The following CDH4 variants were observed in gnomAD, a reference collection of about 807,000 sequenced individuals.
The protein encoded by CDH4 is cadherin 4, also known as cadherin-4.
Under a neutral mutation model 86.0 loss-of-function variants are expected in CDH4, and 33 were observed. The observed-to-expected ratio is 0.38, with a 90% CI of 0.29 to 0.51. The LOEUF is 0.51. Ranked by LOEUF, CDH4 falls within the 20% of genes least tolerant of loss-of-function variation. The probability of loss-of-function intolerance (pLI) is 0.86; values close to 1 mark genes in which losing one functional copy is unlikely to be tolerated. For missense variants in CDH4, 1,114 were observed against 1,307.4 expected (o/e 0.85, Z 2.28); for synonymous variants, 555 against 549.4 (o/e 1.01, Z -0.14).
At chr20:61,929,971 G>A in intron 13 of CDH4, 129 bp downstream of exon 13, 1 of 705,428 alleles carries the variant, frequency 1.4e-6, no homozygotes, top group African/African-American at 1.8e-5. Context: ...TCTGTCAGGA[G>A]CCTTTCAGAA....
At chr20:61,279,909 C>G (rs562142439) in intron 2 of CDH4, among the ~76,000 whole-genome samples, 122 of 152,240 alleles carry the variant, frequency 8.0e-4, no homozygotes, top group African/African-American at 2.7e-3. Flanking sequence ...TACGGATACT[C>G]GGAGGGAAAG....
At position 61,936,741 on chromosome 20, in the gene CDH4, T is replaced by C; in HGVS notation, c.2549T>C (p.Leu850Pro). 6.3e-7 allele frequency: 1 copy of C among 1,585,376 alleles called. No homozygotes were observed. Among genetic ancestry groups the C allele is most frequent in the Non-Finnish European group, 8.6e-7 (1 of 1,166,880 alleles). ...CTCTGTGTCTGTGACCCCCAGGGAC[T>C]CCGCGCTGCTGACAACGACCCCACG... ...GDIGDFINEG[L>P]RAADNDPTAP... Residue 850 changes from leucine (L) to proline (P), a missense_variant, in exon 16 of 16, where the codon CTC (leucine) becomes CCC (proline). Leu to Pro is a moderately conservative substitution (Grantham distance 98). Coordinates refer to ENST00000614565, the MANE Select transcript of CDH4 (RefSeq NM_001794.5).
At chr20:61,743,982 A>AAG (rs2088378348) in intron 3 of CDH4, among the ~76,000 whole-genome samples, 193 bp downstream of exon 3, 1 of 152,168 alleles carries the variant, frequency 6.6e-6, no homozygotes, top group Non-Finnish European at 1.5e-5. Flanking sequence ...TCATTGCGGG[A>AAG]AGGCCCCCTG....
At chr20:61,402,709 C>G (rs1038194304) in intron 2 of CDH4, among the ~76,000 whole-genome samples, 1 of 152,180 alleles carries the variant, frequency 6.6e-6, no homozygotes, top group Non-Finnish European at 1.5e-5. Flanking sequence ...GTTTTTAAAA[C>G]ATATTTTCAA....
intron 2 of CDH4, among the ~76,000 whole-genome samples, chr20:61,569,677 C>T (rs2086327569): frequency 6.6e-6 from 1 of 152,054 alleles, no homozygotes; most frequent in Non-Finnish European, 1.5e-5. Flanking sequence ...GCCAACTGCC[C>T]CCCAAATTTT....
chr20:61,852,698 T>G (rs1756448023), intron 5 of CDH4, 56 bp from the exon 6 acceptor site: 14 of 1,571,984 alleles, frequency 8.9e-6, no homozygotes, highest in Non-Finnish European at 1.1e-5. Context: ...CAGGCCGCTC[T>G]CAGCTGAGTG....
chr20:61,494,730 G>A (rs536869538), intron 2 of CDH4, among the ~76,000 whole-genome samples: 3 of 152,346 alleles, frequency 2.0e-5, no homozygotes, highest in African/African-American at 7.2e-5. Context: ...GGATAACAAA[G>A]CATTGGAGAG....
At chr20:61,299,963 G>A (rs1020223755) in intron 2 of CDH4, among the ~76,000 whole-genome samples, 17 of 152,164 alleles carry the variant, frequency 1.1e-4, no homozygotes, top group African/African-American at 4.1e-4. Context: ...GATGTGTAGA[G>A]GGGGGACCAG....
intron 2 of CDH4, among the ~76,000 whole-genome samples, chr20:61,301,075 C>T (rs188865047): frequency 1.1e-3 from 169 of 152,362 alleles, no homozygotes; most frequent in Non-Finnish European, 1.9e-3. Flanking sequence ...CCCGGGGCTG[C>T]GCCCAACTCC....
intron 3 of CDH4, among the ~76,000 whole-genome samples, chr20:61,753,742 G>A (rs773030951): frequency 1.8e-4 from 28 of 152,216 alleles, no homozygotes; most frequent in African/African-American, 5.5e-4. Flanking sequence ...TCTAGCACAC[G>A]TCAGCGTTTA....
chr20:61,649,210 A>C (rs2087095960), intron 2 of CDH4, among the ~76,000 whole-genome samples: 1 of 152,060 alleles, frequency 6.6e-6, no homozygotes, highest in African/African-American at 2.4e-5. Flanking sequence ...CAACTACATC[A>C]AGGGCGAAGA....
At chr20:61,873,025 G>A (rs1983873053) in intron 6 of CDH4, among the ~76,000 whole-genome samples, 1 of 152,206 alleles carries the variant, frequency 6.6e-6, no homozygotes, top group East Asian at 1.9e-4. Flanking sequence ...CAGAAAGTGG[G>A]GAATGTGCCA....
At chr20:61,862,900 C>T (rs8116147) in intron 6 of CDH4, among the ~76,000 whole-genome samples, 5,844 of 151,952 alleles carry the variant, frequency 0.038, 409 homozygotes, top group African/African-American at 0.13. Flanking sequence ...TATACAGCAC[C>T]GAGTTTTTGC....
At chr20:61,652,930 A>ATTTTTTT (rs1200927520) in intron 2 of CDH4, among the ~76,000 whole-genome samples, 26 of 108,082 alleles carry the variant, frequency 2.4e-4, no homozygotes, top group African/African-American at 6.8e-4. Context: ...TTATTTATTT[A>ATTTTTTT]TTTATTTATT....
chr20:61,908,846 C>T (rs1360411158), intron 8 of CDH4, among the ~76,000 whole-genome samples: 3 of 152,210 alleles, frequency 2.0e-5, no homozygotes, highest in South Asian at 2.1e-4. Context: ...CCCGTCCCAA[C>T]GGGCCCAGCC....
intron 2 of CDH4, among the ~76,000 whole-genome samples, chr20:61,459,437 G>C (rs2085429424): frequency 6.6e-6 from 1 of 151,418 alleles, no homozygotes; most frequent in African/African-American, 2.4e-5. Context: ...CACTGGTCAC[G>C]TATTGGTATT....
intron 12 of CDH4, 65 bp from the exon 13 acceptor site, chr20:61,929,544 T>A (rs1390375963): frequency 2.1e-5 from 27 of 1,280,708 alleles, no homozygotes; most frequent in Non-Finnish European, 1.1e-6. Context: ...GTCTTTTCCT[T>A]TGGACGTCTT....
At chr20:61,852,623 A>C (rs969188715) in intron 5 of CDH4, 131 bp from the exon 6 acceptor site, 6 of 817,722 alleles carry the variant, frequency 7.3e-6, no homozygotes, top group Non-Finnish European at 1.1e-5. Context: ...ACGTGTCCAA[A>C]GCCCCCCGGC....
chr20:61,909,180 G>A (rs2054823654), intron 8 of CDH4, among the ~76,000 whole-genome samples: 1 of 152,206 alleles, frequency 6.6e-6, no homozygotes, highest in Non-Finnish European at 1.5e-5. Context: ...TGGAAGGGGA[G>A]CAGAGCTGCC....
Sources: gnomAD v4.1 joint callset for allele counts (sites outside exome capture counted in the v4.1 genomes callset) on GRCh38, gnomAD v4.1.1 for gene constraint, MANE v1.5 for transcripts, NCBI Gene and HGNC (gene_info 2026-07-23, HGNC 2026-07-21) for gene names.